The following ANKRD36C variants were observed in gnomAD, a reference collection of about 807,000 sequenced individuals.
ANKRD36C encodes ankyrin repeat domain 36C, also known as ankyrin repeat domain-containing protein 36C.
A neutral mutation model predicts 276.4 loss-of-function variants in ANKRD36C; 61 were observed. The ratio of observed to expected loss-of-function variants is 0.22; its 90% CI spans 0.18 to 0.27. The LOEUF (loss-of-function observed/expected upper bound fraction) is 0.27. Ranked by LOEUF, ANKRD36C falls within the 10% of genes least tolerant of loss-of-function variation. The pLI, the probability that ANKRD36C is intolerant of heterozygous loss-of-function variation, is 1.00. For missense variants in ANKRD36C, 1,447 were observed against 2,032.3 expected (o/e 0.71, Z 5.54); for synonymous variants, 483 against 680.1 (o/e 0.71, Z 4.51).
intron 44 of ANKRD36C, 65 bp from the exon 65 acceptor site, chr2:95,891,925 T>G (rs1035155921): frequency 6.5e-7 from 1 of 1,545,508 alleles, no homozygotes; most frequent in Non-Finnish European, 8.7e-7. Context: ...CACACATTCA[T>G]GCAGTGTTAG....
At chr2:95,991,268 AC>A (rs1679132590) in intron 1 of ANKRD36C, among the ~76,000 whole-genome samples, 1 of 75,282 alleles carries the variant, frequency 1.3e-5, no homozygotes, top group Non-Finnish European at 2.6e-5. Flanking sequence ...GCCCATTCAC[AC>A]CCCCACCCCA....
chr2:95,914,682 C>A (rs1438502762), intron 38 of ANKRD36C, among the ~76,000 whole-genome samples: 1 of 151,476 alleles, frequency 6.6e-6, no homozygotes, highest in African/African-American at 2.4e-5. Context: ...GTCTTTCACA[C>A]AGGAAATCAA....
intron 6 of ANKRD36C, among the ~76,000 whole-genome samples, chr2:95,969,249 A>G (rs1166062217): frequency 2.6e-5 from 4 of 152,188 alleles, no homozygotes; most frequent in Admixed American, 2.6e-4. Context: ...GCTGCCTGCC[A>G]TAAGTCAATC....
At chr2:95,949,291 G>A (rs1678135056) in intron 16 of ANKRD36C, among the ~76,000 whole-genome samples, 1 of 152,136 alleles carries the variant, frequency 6.6e-6, no homozygotes, top group Non-Finnish European at 1.5e-5. Flanking sequence ...TATAGATCCT[G>A]CCTTATTCAG....
intron 58 of ANKRD36C, among the ~76,000 whole-genome samples, chr2:95,876,799 C>T (rs1425623727): frequency 4.4e-5 from 6 of 136,012 alleles, no homozygotes; most frequent in African/African-American, 1.7e-4. Flanking sequence ...TTGCAGTGAG[C>T]TGAAGATCTC....
At chr2:95,963,368 A>G (rs1678503999) in intron 6 of ANKRD36C, among the ~76,000 whole-genome samples, 1 of 152,056 alleles carries the variant, frequency 6.6e-6, no homozygotes, top group South Asian at 2.1e-4. Context: ...TTATTAATCA[A>G]TTAATGGATT....
rs767069493 is a variant in ANKRD36C at position 95,889,756 on chromosome 2, C to T, written c.2959+43G>A. 23 of 1,548,280 alleles carry T rather than the reference C, an allele frequency of 1.5e-5. 2 individuals are homozygous for T. The South Asian group carries it at 2.6e-4, about 18-fold the overall frequency. On this transcript the variant is annotated intron_variant, in intron 48 of 66. Coordinates refer to ENST00000456556, the Ensembl canonical transcript of ANKRD36C. Reference sequence around the variant, plus strand: ...TTATTTGGTGAAGAGAAGATCTCTTCTATCTTGAACGAACATCCTATTAAA... The same window carrying T: ...TTATTTGGTGAAGAGAAGATCTCTTTTATCTTGAACGAACATCCTATTAAA...
chr2:95,893,480 A>G (rs180921462), intron 44 of ANKRD36C, 53 bp downstream of exon 64: 35,732 of 1,498,510 alleles, frequency 0.024, 775 homozygotes, highest in African/African-American at 0.04. Context: ...TGGGGAAGGG[A>G]ACTTCTTATC....
At chr2:95,858,552 C>G (rs1357338825) in intron 61 of ANKRD36C, among the ~76,000 whole-genome samples, 3 of 152,072 alleles carry the variant, frequency 2.0e-5, no homozygotes, top group African/African-American at 7.2e-5. Context: ...AGTAATTACT[C>G]CTCAATTAGG....
At chr2:95,964,007 ATATATATG>A (rs1466289730) in intron 6 of ANKRD36C, among the ~76,000 whole-genome samples, 13 of 27,414 alleles carry the variant, frequency 4.7e-4, no homozygotes, top group South Asian at 1.7e-3. Context: ...ATATATATAT[ATATATATG>A]TGTGTGTGTG....
In ANKRD36C at chr2:95,902,870, C is replaced by G. The variant is rs551240799; in HGVS notation, c.2654-3534G>C. The stretch of plus-strand genomic sequence containing the variant: ...ATCTGGACTGAACATGACATTAAAT[C>G]TCTTTTCAAAATTACCTCTCCTAGT... On this transcript the variant is annotated intron_variant, in intron 42 of 66. Coordinates refer to ENST00000456556, the Ensembl canonical transcript of ANKRD36C. The G allele has an allele frequency of 1.0e-5, 16 of 1,558,208 alleles. 2 individuals carry two copies. In the South Asian group the frequency reaches 1.5e-4, roughly 15 times the overall value.
intron 42 of ANKRD36C, 26 bp downstream of exon 46, chr2:95,910,347 G>A (rs775996786): frequency 6.4e-5 from 97 of 1,525,024 alleles, no homozygotes; most frequent in Non-Finnish European, 7.8e-5. Context: ...GACAGAACAC[G>A]ACATTAAATC....
chr2:95,921,452 A>G (rs1034858036), intron 34 of ANKRD36C, among the ~76,000 whole-genome samples, 155 bp downstream of exon 34: 3 of 151,544 alleles, frequency 2.0e-5, no homozygotes, highest in African/African-American at 7.3e-5. Context: ...AGCGTCACCC[A>G]AGAATTTATT....
At chr2:95,867,674 T>C (rs1675711002) in intron 59 of ANKRD36C, 93 bp from the exon 80 acceptor site, 2 of 1,539,040 alleles carry the variant, frequency 1.3e-6, no homozygotes, top group South Asian at 1.2e-5. Context: ...TCTGTTTATA[T>C]GAGCACAAAC....
intron 60 of ANKRD36C, among the ~76,000 whole-genome samples, chr2:95,861,978 A>G (rs1426810550): frequency 6.6e-6 from 1 of 151,880 alleles, no homozygotes; most frequent in African/African-American, 2.4e-5. Context: ...AAAAAAAAAC[A>G]TTCCAGCAAT....
intron 42 of ANKRD36C, among the ~76,000 whole-genome samples, chr2:95,909,941 C>T (rs1300393780): frequency 1.3e-5 from 2 of 151,014 alleles, no homozygotes; most frequent in East Asian, 3.9e-4. Flanking sequence ...AAAATGATTG[C>T]TACACCAGGG....
intron 52 of ANKRD36C, among the ~76,000 whole-genome samples, chr2:95,885,472 T>A (rs1676178072): frequency 6.6e-6 from 1 of 151,478 alleles, no homozygotes; most frequent in African/African-American, 2.4e-5. Flanking sequence ...AAATTTAATA[T>A]TCTTTTATGC....
chr2:95,885,904 C>T lies in ANKRD36C; in HGVS notation c.3163+144G>A. 3 of 1,444,792 alleles carry T rather than the reference C, an allele frequency of 2.1e-6. No individual in the cohort carries two copies. In the South Asian group the frequency reaches 3.7e-5, roughly 18 times the overall value. 89.5% of individuals were successfully genotyped at this position (1,444,792 alleles called of 1,614,324 possible). Reference sequence around the variant, plus strand: ...TCAAGGACCAGCACCATCAGGGTCACCCGAGGACTTATTACAAATGAAGAA... The same window carrying T: ...TCAAGGACCAGCACCATCAGGGTCATCCGAGGACTTATTACAAATGAAGAA... On this transcript the variant is annotated intron_variant, in intron 52 of 66. Transcript: ENST00000456556.
At chr2:95,954,467 A>T (rs1678281370) in intron 13 of ANKRD36C, among the ~76,000 whole-genome samples, 1 of 152,156 alleles carries the variant, frequency 6.6e-6, no homozygotes, top group East Asian at 1.9e-4. Flanking sequence ...TCAAAGACTA[A>T]TCTGTGTCAC....
Sources: gnomAD v4.1 joint callset for allele counts (sites outside exome capture counted in the v4.1 genomes callset) on GRCh38, gnomAD v4.1.1 for gene constraint, MANE v1.5 for transcripts, NCBI Gene and HGNC (gene_info 2026-07-23, HGNC 2026-07-21) for gene names.